Variants in SMC6 observed in about 807,000 individuals in gnomAD.
SMC6 encodes structural maintenance of chromosomes protein 6.
SMC6 carries 79 observed loss-of-function variants against 142.2 expected under a neutral mutation model. That is an observed-to-expected ratio of 0.56 (90% CI 0.46 to 0.67). The LOEUF (loss-of-function observed/expected upper bound fraction) is 0.67. Among genes scored for constraint, SMC6 ranks in the 30% least tolerant of loss-of-function variants. The pLI is 0.00. For missense variants in SMC6, 1,072 were observed against 1,284.0 expected, an observed-to-expected ratio of 0.83 and a Z score of 2.52; for synonymous variants, 411 against 412.4, an observed-to-expected ratio of 1.00 and a Z score of 0.04.
In SMC6 at chr2:17,726,087, T is replaced by TAAAAAAAAAAAAAAAAAA. The variant is rs35471536; in HGVS notation, c.624+284_624+301dup. ...TGGAAGACAGAGCAAGGCTCTGTCT[T>TAAAAAAAAAAAAAAAAAA]AAAAAAAAAAAAAAAAAAAAAAAAA... On this transcript the variant is annotated intron_variant, in intron 8 of 27. Coordinates refer to ENST00000448223, the MANE Select transcript of SMC6 (RefSeq NM_001142286.2). 1.6e-4 allele frequency among the ~76,000 whole-genome samples: 9 copies of TAAAAAAAAAAAAAAAAAA among 54,964 alleles called. 1 individual carries two copies. Among genetic ancestry groups the TAAAAAAAAAAAAAAAAAA allele is most frequent in the African/African-American group, 8.2e-4 (9 of 11,030 alleles). The allele number at this position is 54,964 out of a possible 152,430, so 36.1% of individuals were successfully genotyped here. A position where few individuals can be genotyped will look rare whatever the true frequency, so the allele number is the denominator to read the frequency against.
intron 2 of SMC6, among the ~76,000 whole-genome samples, chr2:17,752,027 C>A (rs994916715): frequency 6.6e-6 from 1 of 152,158 alleles, no homozygotes; most frequent in African/African-American, 2.4e-5. Flanking sequence ...TTTTGCCAGG[C>A]TCAATACTAA....
At chr2:17,743,605 A>C (rs574890078) in intron 3 of SMC6, among the ~76,000 whole-genome samples, 1 of 152,244 alleles carries the variant, frequency 6.6e-6, no homozygotes, top group Non-Finnish European at 1.5e-5. Flanking sequence ...TATCAACCCA[A>C]GTCCACAGTC....
intron 3 of SMC6, among the ~76,000 whole-genome samples, chr2:17,744,573 G>T (rs1670641584): frequency 6.6e-6 from 1 of 152,044 alleles, no homozygotes; most frequent in African/African-American, 2.4e-5. Context: ...TATACCTTCT[G>T]TTTCCTTGAT....
chr2:17,694,739 C>CTG (rs749199370), intron 23 of SMC6, among the ~76,000 whole-genome samples: 21,083 of 152,098 alleles, frequency 0.14, 1,736 homozygotes, highest in African/African-American at 0.24. Context: ...TTATCAAGAG[C>CTG]ATCTGTTTTT....
chr2:17,716,044 T>C, intron 15 of SMC6, 42 bp downstream of exon 15: 7 of 1,387,120 alleles, frequency 5.0e-6, no homozygotes, highest in Non-Finnish European at 6.6e-6. Context: ...TAAAAACTTA[T>C]TTCTAAAGTT....
intron 5 of SMC6, among the ~76,000 whole-genome samples, chr2:17,733,941 TAAGG>T (rs926249039): frequency 6.6e-6 from 1 of 151,964 alleles, no homozygotes; most frequent in African/African-American, 2.4e-5. Flanking sequence ...TAGCAAAAAA[TAAGG>T]AAGTACACAT....
rs1666442835 is a variant in SMC6 at position 17,665,280 on chromosome 2, T to C, written c.*219A>G. ...AAAACTTAAAAAGATTTAAAACCAATACTATGAAATTGATTTTCTTAAAGT... is the reference window on the plus strand; with the variant it reads ...AAAACTTAAAAAGATTTAAAACCAACACTATGAAATTGATTTTCTTAAAGT... On this transcript the variant is annotated 3_prime_UTR_variant, in exon 28 of 28. Transcript: ENST00000448223. The C allele has an allele frequency of 1.5e-5, 5 of 339,962 alleles. No individual in the cohort carries two copies. The South Asian group carries it at 3.4e-4, about 23-fold the overall frequency. 21.1% of individuals were successfully genotyped at this position (339,962 alleles called of 1,614,324 possible).
At chr2:17,673,546 T>A (rs1290238227) in intron 25 of SMC6, among the ~76,000 whole-genome samples, 1 of 151,732 alleles carries the variant, frequency 6.6e-6, no homozygotes, top group African/African-American at 2.4e-5. Flanking sequence ...GCTTACTGTT[T>A]ATTATTTAAA....
chr2:17,698,362 G>A (rs1404398461), intron 21 of SMC6, among the ~76,000 whole-genome samples: 12 of 151,860 alleles, frequency 7.9e-5, no homozygotes, highest in Non-Finnish European at 1.6e-4. Context: ...ATCAATTATT[G>A]AGGAAGTTCT....
At chr2:17,740,816 C>T (rs555298291) in intron 4 of SMC6, 1 of 341,024 alleles carries the variant, frequency 2.9e-6, no homozygotes, top group African/African-American at 2.3e-5. Context: ...CACCACTGCA[C>T]TCCAACCTGG....
rs771702058 is a variant in SMC6 at position 17,741,616 on chromosome 2, A to G, written c.234T>C (p.Asn78=). The G allele has an allele frequency of 5.0e-6, 8 of 1,597,796 alleles. No homozygotes were observed. The highest frequency in any genetic ancestry group is 1.3e-5 in the African/African-American group (1 of 74,432). The change falls in exon 4 of 28, where the codon AAT becomes AAC. Residue 78 remains asparagine, a synonymous_variant. Transcript: ENST00000448223. The stretch of plus-strand genomic sequence containing the variant: ...GAGAAGGGAAAAAACACTTACTTCC[A>G]TTGTTGCCAACAACAAAGTTGACAT... ...GSNVNFVVGN[N]GSGKSAVLTA...
intron 17 of SMC6, 103 bp downstream of exon 17, chr2:17,708,536 T>A: frequency 2.1e-6 from 1 of 474,262 alleles, no homozygotes; most frequent in Non-Finnish European, 3.4e-6. Flanking sequence ...GTGAAACACA[T>A]CAGCAACTCT....
intron 5 of SMC6, among the ~76,000 whole-genome samples, chr2:17,735,413 T>C (rs1236556221): frequency 6.6e-6 from 1 of 152,168 alleles, no homozygotes; most frequent in Non-Finnish European, 1.5e-5. Context: ...AAAAGTCATA[T>C]AAAAAGATGA....
Position 17,695,184 on chromosome 2 carries a change from A to T in SMC6, c.2646T>A (p.His882Gln). Residue 882 changes from histidine (H) to glutamine (Q), a missense_variant, in exon 23 of 28, where the codon CAT (histidine) becomes CAA (glutamine). This residue lies in a region of SMC6 where 994 missense variants were observed against 1,153.2 expected (regional missense o/e 0.86). Coordinates refer to ENST00000448223, the MANE Select transcript of SMC6 (RefSeq NM_001142286.2). The part of the protein sequence containing the change: ...NRLRQKIQAE[H>Q]ASHGDREEIM... ...TTTCCTCTCGATCTCCATGACTAGC[A>T]TGTTCTGCCTGTATCTTCTGCCTTA... 1 of 1,613,588 alleles carries T rather than the reference A, an allele frequency of 6.2e-7. No individual in the cohort carries two copies. Among genetic ancestry groups the T allele is most frequent in the Non-Finnish European group, 8.5e-7 (1 of 1,179,786 alleles).
Position 17,695,198 on chromosome 2 carries a change from T to A in SMC6, c.2632A>T (p.Ile878Leu), listed in dbSNP as rs1667932692. The A allele has an allele frequency of 2.5e-6, 4 of 1,613,718 alleles. No individual in the cohort carries two copies. The highest frequency in any genetic ancestry group is 3.4e-6 in the Non-Finnish European group (4 of 1,179,822). Residue 878 changes from isoleucine to leucine, a missense_variant, in exon 23 of 28, where the codon ATA (isoleucine) becomes TTA (leucine). Coordinates refer to ENST00000448223, the MANE Select transcript of SMC6 (RefSeq NM_001142286.2). ...DKEINRLRQKIQAEHASHGDR... is the reference protein window; with the variant it reads ...DKEINRLRQKLQAEHASHGDR... ...CCATGACTAGCATGTTCTGCCTGTA[T>A]CTTCTGCCTTAATCGATTAATTTCT...
At chr2:17,681,033 A>T (rs1330887010) in intron 24 of SMC6, 1 of 152,202 alleles carries the variant, frequency 6.6e-6, no homozygotes, top group Non-Finnish European at 1.5e-5. Flanking sequence ...AGCCACTTTC[A>T]TCAGTTATCT....
At chr2:17,725,057 A>T (rs1002755993) in intron 9 of SMC6, among the ~76,000 whole-genome samples, 200 bp downstream of exon 9, 2 of 152,236 alleles carry the variant, frequency 1.3e-5, no homozygotes, top group Non-Finnish European at 2.9e-5. Flanking sequence ...ACATGTACAC[A>T]GTCATTATTA....
chr2:17,688,442 GTA>G (rs1667557720), intron 23 of SMC6, among the ~76,000 whole-genome samples: 1 of 152,082 alleles, frequency 6.6e-6, no homozygotes, highest in African/African-American at 2.4e-5. Flanking sequence ...GCTCATGCCT[GTA>G]ATCCCAGCAC....
chr2:17,697,601 A>G (rs1668065637), intron 21 of SMC6, among the ~76,000 whole-genome samples: 1 of 152,070 alleles, frequency 6.6e-6, no homozygotes, highest in African/African-American at 2.4e-5. Flanking sequence ...GAAAACTACC[A>G]AGAGTATTAG....
Sources: allele counts gnomAD v4.1 joint callset (sites outside exome capture counted in the v4.1 genomes callset), GRCh38; gene constraint gnomAD v4.1.1; regional missense constraint gnomAD v4.1.1; transcripts MANE v1.5; gene names NCBI Gene and HGNC (gene_info 2026-07-23, HGNC 2026-07-21).